Variants in PPP2R5B observed in about 807,000 individuals in gnomAD.
The protein encoded by PPP2R5B is serine/threonine-protein phosphatase 2A 56 kDa regulatory subunit beta isoform.
In PPP2R5B, 19 loss-of-function variants were observed where a neutral mutation model predicts 59.9. The observed-to-expected ratio is 0.32, with a 90% confidence interval of 0.22 to 0.47. PPP2R5B has a LOEUF of 0.47. Among genes scored for constraint, PPP2R5B ranks in the 20% least tolerant of loss-of-function variants. The pLI, the probability that PPP2R5B is intolerant of heterozygous loss-of-function variation, is 1.00. For missense variants in PPP2R5B, 441 were observed against 640.2 expected, an observed-to-expected ratio of 0.69 and a Z score of 3.36; for synonymous variants, 286 against 260.5, an observed-to-expected ratio of 1.10 and a Z score of -0.94.
At position 64,933,151 on chromosome 11, in the gene PPP2R5B, C is replaced by T. The variant is rs752297042; in HGVS notation, c.1251C>T (p.Ile417=). 3.7e-6 allele frequency: 6 copies of T among 1,610,588 alleles called. No individual in the cohort carries two copies. Among genetic ancestry groups the T allele is most frequent in the Middle Eastern group, 1.6e-4 (1 of 6,080 alleles). ...CCTCCTTGACACTGCCAAGAACCATCGTATCACTGATCTACAATGTGCTCA... is the reference window on the plus strand; with the variant it reads ...CCTCCTTGACACTGCCAAGAACCATTGTATCACTGATCTACAATGTGCTCA... ...QVSKEHWNQT[I]VSLIYNVLKT... The change falls in exon 13 of 14, where the codon ATC becomes ATT. Residue 417 remains isoleucine (I), a synonymous_variant. Coordinates refer to ENST00000164133, the MANE Select transcript of PPP2R5B (RefSeq NM_006244.4).
chr11:64,933,361 G>A, intron 13 of PPP2R5B, 115 bp downstream of exon 13: 1 of 887,968 alleles, frequency 1.1e-6, no homozygotes, highest in East Asian at 2.6e-5. Flanking sequence ...GATGCTGCAA[G>A]ACTGTCCATG....
chr11:64,918,830 A>G (rs1945077789), intron 1 of PPP2R5B, among the ~76,000 whole-genome samples: 1 of 152,134 alleles, frequency 6.6e-6, no homozygotes, highest in African/African-American at 2.4e-5. Flanking sequence ...GGACTCTTAC[A>G]TTCTAATGCC....
intron 1 of PPP2R5B, among the ~76,000 whole-genome samples, chr11:64,919,039 C>CCATT (rs1266065296): frequency 6.6e-6 from 1 of 152,184 alleles, no homozygotes; most frequent in Non-Finnish European, 1.5e-5. Context: ...GATAGGACAG[C>CCATT]CATTCAGAAA....
In PPP2R5B at chr11:64,931,342, A is replaced by G; in HGVS notation, c.892-94A>G. On this transcript the variant is annotated intron_variant, in intron 8 of 13. Transcript: ENST00000164133. The surrounding 1 kb of genome is among the most constrained non-coding windows in gnomAD (Gnocchi z 5.0). ...ATAAGAAAGTAACAGGCCGTGGGTGAGCAGTATTTGGCATTCTGTCCTGGA... is the reference window on the plus strand; with the variant it reads ...ATAAGAAAGTAACAGGCCGTGGGTGGGCAGTATTTGGCATTCTGTCCTGGA... 1 of 1,350,862 alleles carries G rather than the reference A, an allele frequency of 7.4e-7. No homozygotes were observed. The highest frequency in any genetic ancestry group is 2.4e-5 in the East Asian group (1 of 41,430). 83.7% of individuals were successfully genotyped at this position (1,350,862 alleles called of 1,614,324 possible).
chr11:64,918,031 T>G (rs1308129982), intron 1 of PPP2R5B, among the ~76,000 whole-genome samples: 1 of 152,212 alleles, frequency 6.6e-6, no homozygotes, highest in African/African-American at 2.4e-5. Flanking sequence ...TAAGTATGGT[T>G]TTTATGTCTT....
chr11:64,933,304 C>A, intron 13 of PPP2R5B, 58 bp downstream of exon 13: 1 of 1,452,756 alleles, frequency 6.9e-7, no homozygotes. Flanking sequence ...AGTCAGACCC[C>A]CATGGCTGGA....
rs928598185 is a variant in PPP2R5B, at chr11:64,925,307, A to G, written c.-264-164A>G. On this transcript the variant is annotated intron_variant, in intron 1 of 13. Coordinates refer to ENST00000164133, the MANE Select transcript of PPP2R5B (RefSeq NM_006244.4). The surrounding 1 kb of genome is among the most constrained non-coding windows in gnomAD (Gnocchi z 4.6). The stretch of plus-strand genomic sequence containing the variant: ...TTTCTGTCTGAGAGAAGGGAGGGAC[A>G]TGTCCAGGATGGGAGGGGGCTGCAC... Among the ~76,000 whole-genome samples, 1 of 151,966 alleles carries G rather than the reference A, an allele frequency of 6.6e-6. No individual in the cohort carries two copies. Among genetic ancestry groups the G allele is most frequent in the Non-Finnish European group, 1.5e-5 (1 of 67,934 alleles).
upstream of PPP2R5B, chr11:64,923,152 G>A (rs1239690118): frequency 1.3e-5 from 2 of 152,212 alleles, no homozygotes; most frequent in Non-Finnish European, 2.9e-5. Context: ...TAAAACACCA[G>A]TCCTCTGTGG....
rs1404529743 is a variant in PPP2R5B at position 64,931,663 on chromosome 11, C to G, written c.996+54C>G. The G allele has an allele frequency of 2.5e-6, 4 of 1,613,620 alleles. No homozygotes were observed. The highest frequency in any genetic ancestry group is 1.3e-5 in the African/African-American group (1 of 74,920). On this transcript the variant is annotated intron_variant, in intron 10 of 13. Coordinates refer to ENST00000164133, the MANE Select transcript of PPP2R5B (RefSeq NM_006244.4). This position sits in a 1 kb window ranked among gnomAD's most constrained non-coding sequence, Gnocchi z 5.0. ...GAGGGAGGCTGGGAGGGCTCGGCCT[C>G]TAGAAGGCAGTCAGGTGTGTGTATG...
upstream of PPP2R5B, among the ~76,000 whole-genome samples, chr11:64,919,950 A>G (rs1165869552): frequency 6.6e-6 from 1 of 152,090 alleles, no homozygotes; most frequent in Non-Finnish European, 1.5e-5. Context: ...CAGAAATCAT[A>G]AAAAGAAAAA....
In PPP2R5B at chr11:64,931,645, G is replaced by A; in HGVS notation, c.996+36G>A. 1 of 1,613,602 alleles carries A rather than the reference G, an allele frequency of 6.2e-7. No homozygotes were observed. The highest frequency in any genetic ancestry group is 1.7e-5 in the Admixed American group (1 of 60,004). ...GGGCTTTGATGCCCGCCAGAGGGAG[G>A]CTGGGAGGGCTCGGCCTCTAGAAGG... On this transcript the variant is annotated intron_variant, in intron 10 of 13. Transcript: ENST00000164133. This position sits in a 1 kb window ranked among gnomAD's most constrained non-coding sequence, Gnocchi z 5.0.
chr11:64,933,330 AC>A (rs1945249335), intron 13 of PPP2R5B, 84 bp downstream of exon 13: 3 of 1,179,342 alleles, frequency 2.5e-6, no homozygotes, highest in Middle Eastern at 4.6e-4. Flanking sequence ...CCCGAGGACT[AC>A]CCCAAACTCT....
intron 1 of PPP2R5B, among the ~76,000 whole-genome samples, chr11:64,918,065 AAAG>A (rs1274147248): frequency 6.6e-6 from 1 of 152,244 alleles, no homozygotes; most frequent in East Asian, 1.9e-4. Flanking sequence ...GGAAAAATCA[AAAG>A]AAGAATGAAC....
chr11:64,921,091 G>T (rs1945106349), upstream of PPP2R5B, among the ~76,000 whole-genome samples: 1 of 151,778 alleles, frequency 6.6e-6, no homozygotes, highest in South Asian at 2.1e-4. Context: ...GAGTAGCTGG[G>T]ACTATAGGCT....
intron 13 of PPP2R5B, among the ~76,000 whole-genome samples, 181 bp downstream of exon 13, chr11:64,933,427 G>GTAGC (rs1689954401): frequency 1.3e-5 from 2 of 152,152 alleles, no homozygotes; most frequent in African/African-American, 4.8e-5. Flanking sequence ...CATTCTTCGA[G>GTAGC]TAGCTCAGAC....
upstream of PPP2R5B, among the ~76,000 whole-genome samples, chr11:64,922,468 A>G (rs557659538): frequency 3.9e-5 from 6 of 152,120 alleles, no homozygotes; most frequent in African/African-American, 1.4e-4. Context: ...AGCCTGGGTG[A>G]CAGAGTGAGA....
chr11:64,922,341 C>T (rs1327365204), upstream of PPP2R5B, among the ~76,000 whole-genome samples: 1 of 151,564 alleles, frequency 6.6e-6, no homozygotes, highest in Non-Finnish European at 1.5e-5. Flanking sequence ...AAAAATTAGC[C>T]TGGCATGATG....
At chr11:64,919,401 T>C (rs1945091250) in intron 1 of PPP2R5B, among the ~76,000 whole-genome samples, 1 of 151,378 alleles carries the variant, frequency 6.6e-6, no homozygotes, top group Non-Finnish European at 1.5e-5. Flanking sequence ...CCTTCTTCCA[T>C]GGCAGGCTGG....
At chr11:64,932,310 A>G (rs909325186) in intron 11 of PPP2R5B, among the ~76,000 whole-genome samples, 1 of 152,080 alleles carries the variant, frequency 6.6e-6, no homozygotes, top group African/African-American at 2.4e-5. Flanking sequence ...TAACTAACTC[A>G]TGTTCTGCTG....
Sources: allele counts gnomAD v4.1 joint callset (sites outside exome capture counted in the v4.1 genomes callset), GRCh38; gene constraint gnomAD v4.1.1; non-coding constraint Gnocchi (gnomAD v3.1); transcripts MANE v1.5; gene names NCBI Gene and HGNC (gene_info 2026-07-23, HGNC 2026-07-21).